Variants in CNTLN observed in about 807,000 individuals in gnomAD.
CNTLN encodes centlein, also known as centlein, centrosomal protein.
Under a neutral mutation model 180.0 loss-of-function variants are expected in CNTLN, and 212 were observed. That is an observed-to-expected ratio of 1.18 (90% CI 1.05 to 1.32). The LOEUF (loss-of-function observed/expected upper bound fraction) is 1.32, where lower values mean the gene tolerates loss of function less well. CNTLN is among the 40% of genes most tolerant of loss of function. The probability of loss-of-function intolerance (pLI) is 0.00; values close to 1 mark genes in which losing one functional copy is unlikely to be tolerated. For missense variants in CNTLN, 2,095 were observed against 1,610.9 expected, an observed-to-expected ratio of 1.30 and a Z score of -5.14; for synonymous variants, 722 against 563.1, an observed-to-expected ratio of 1.28 and a Z score of -3.99.
chr9:17,173,183 T>G (rs1343339479), intron 2 of CNTLN, among the ~76,000 whole-genome samples: 1 of 152,172 alleles, frequency 6.6e-6, no homozygotes, highest in Non-Finnish European at 1.5e-5. Flanking sequence ...GCTATAATGC[T>G]GAATAATAAT....
chr9:17,289,700 G>A lies in CNTLN; in HGVS notation c.984-8490G>A, dbSNP rs887755341. 1.7e-4 allele frequency among the ~76,000 whole-genome samples: 23 copies of A among 137,974 alleles called. 1 individual carries two copies. Among genetic ancestry groups the A allele is most frequent in the African/African-American group, 6.5e-4 (22 of 33,838 alleles). 90.5% of individuals were successfully genotyped at this position (137,974 alleles called of 152,430 possible). On this transcript the variant is annotated intron_variant, in intron 6 of 25. Coordinates refer to ENST00000380647, the MANE Select transcript of CNTLN (RefSeq NM_017738.4). The stretch of plus-strand genomic sequence containing the variant: ...TAGTCCCATATTTCTTGGAGGCTTT[G>A]CTCATTTCTTTTTATTCTTTTTTCT...
the CNTLN span, among the ~76,000 whole-genome samples, chr9:17,521,570 T>C: frequency 1.6e-4 from 25 of 152,312 alleles, no homozygotes; most frequent in African/African-American, 5.8e-4. Context: ...AGAAACCTAT[T>C]CCTTGAACAA....
chr9:17,457,179 A>G (rs1056107576), intron 18 of CNTLN, among the ~76,000 whole-genome samples: 2 of 152,250 alleles, frequency 1.3e-5, no homozygotes, highest in East Asian at 1.9e-4. Flanking sequence ...GGCTTTTCCC[A>G]GTTAAGTACT....
chr9:17,160,346 C>T (rs1220591383), intron 2 of CNTLN, among the ~76,000 whole-genome samples: 1 of 152,090 alleles, frequency 6.6e-6, no homozygotes, highest in African/African-American at 2.4e-5. Context: ...CCTTCAAACT[C>T]ACTATATTAT....
intron 2 of CNTLN, among the ~76,000 whole-genome samples, chr9:17,196,880 G>T (rs1320116354): frequency 6.6e-6 from 1 of 151,914 alleles, no homozygotes; most frequent in Non-Finnish European, 1.5e-5. Context: ...TATTATTTTA[G>T]TTATTTTAAA....
intron 10 of CNTLN, among the ~76,000 whole-genome samples, chr9:17,338,267 C>A (rs910595269): frequency 6.7e-6 from 1 of 150,192 alleles, no homozygotes; most frequent in East Asian, 1.9e-4. Flanking sequence ...TGGGTTCAAG[C>A]GATTCTCCTT....
At chr9:17,442,089 G>A (rs925706937) in intron 18 of CNTLN, among the ~76,000 whole-genome samples, 2 of 152,162 alleles carry the variant, frequency 1.3e-5, no homozygotes, top group Admixed American at 6.6e-5. Context: ...AATAGGAGAC[G>A]TAAGTACTCC....
At chr9:17,479,569 G>A (rs899365406) in intron 23 of CNTLN, among the ~76,000 whole-genome samples, 3 of 152,112 alleles carry the variant, frequency 2.0e-5, no homozygotes, top group Admixed American at 6.6e-5. Flanking sequence ...ATTAATAGGC[G>A]TAAAGTTTCA....
Position 17,457,707 on chromosome 9 carries a change from A to C in CNTLN, c.3298A>C (p.Lys1100Gln), listed in dbSNP as rs1564123486. The C allele has an allele frequency of 6.9e-7, 1 of 1,450,004 alleles. No homozygotes were observed. The highest frequency in any genetic ancestry group is 1.4e-5 in the African/African-American group (1 of 69,042). The allele number at this position is 1,450,004 out of a possible 1,614,324, so 89.8% of individuals were successfully genotyped here. ...TTTGGAAATGAAGCAATTGCAGTAT[A>C]AACTAAAGGTGATTATAAAATTTAT... is the stretch of plus-strand genomic sequence containing the variant. ...MDLEMKQLQYKLKNATNELTK... is the reference protein window; with the variant it reads ...MDLEMKQLQYQLKNATNELTK... The change falls in exon 19 of 26, where the codon AAA (lysine) becomes CAA (glutamine). Residue 1100 changes from lysine (K) to glutamine (Q), a missense_variant. Transcript: ENST00000380647.
chr9:17,342,371 CAAG>C lies in CNTLN; in HGVS notation c.1818_1820del (p.Glu606del), dbSNP rs768241221. ...GAGAGCAGATCCCCAACAACTTCGA[CAAG>C]AAGATTCTGACGCTGTGTGGAATGA... On this transcript the variant is annotated inframe_deletion, in exon 12 of 26. Transcript: ENST00000380647. 2.2e-5 allele frequency: 36 copies of C among 1,612,158 alleles called. No homozygotes were observed. The East Asian group carries it at 8.0e-4, about 36-fold the overall frequency.
chr9:17,266,667 G>C (rs575812105), intron 5 of CNTLN, among the ~76,000 whole-genome samples: 11 of 152,236 alleles, frequency 7.2e-5, no homozygotes, highest in Non-Finnish European at 1.2e-4. Context: ...TATTGTGTGG[G>C]AGTCTAAGTC....
chr9:17,245,511 C>T (rs934133224), intron 5 of CNTLN, among the ~76,000 whole-genome samples: 9 of 151,200 alleles, frequency 6.0e-5, no homozygotes, highest in African/African-American at 1.9e-4. Flanking sequence ...TATTAAATAC[C>T]TTGAGGTAGT....
chr9:17,356,413 A>C (rs10810773), intron 12 of CNTLN, among the ~76,000 whole-genome samples: 90,909 of 151,908 alleles, frequency 0.6, 27,457 homozygotes, highest in East Asian at 0.73. Context: ...AAGTTAGAGT[A>C]CTGAAGCCTA....
chr9:17,373,484 A>C (rs1275908834), intron 13 of CNTLN, among the ~76,000 whole-genome samples: 3 of 152,144 alleles, frequency 2.0e-5, no homozygotes, highest in Non-Finnish European at 4.4e-5. Flanking sequence ...GAGACACACA[A>C]AAAATGGAAA....
intron 14 of CNTLN, among the ~76,000 whole-genome samples, 185 bp from the exon 15 acceptor site, chr9:17,394,349 A>G (rs1826328728): frequency 6.6e-6 from 1 of 152,170 alleles, no homozygotes; most frequent in South Asian, 2.1e-4. Context: ...TTTATTCAAC[A>G]GATACATTAT....
At chr9:17,496,289 A>C (rs895040946) in intron 25 of CNTLN, among the ~76,000 whole-genome samples, 8 of 152,346 alleles carry the variant, frequency 5.3e-5, no homozygotes, top group African/African-American at 1.9e-4. Context: ...AGAATACCAT[A>C]GACTGGGAAA....
chr9:17,143,058 A>G (rs895127593), intron 1 of CNTLN, among the ~76,000 whole-genome samples: 7 of 152,242 alleles, frequency 4.6e-5, no homozygotes, highest in Admixed American at 1.3e-4. Flanking sequence ...TAGCATTTCA[A>G]CAGTTGCATC....
intron 25 of CNTLN, among the ~76,000 whole-genome samples, chr9:17,487,669 G>T (rs375952969): frequency 2.6e-5 from 4 of 152,122 alleles, no homozygotes; most frequent in African/African-American, 9.7e-5. Flanking sequence ...TCTGGGCCGA[G>T]TGGAAAGCTG....
At chr9:17,407,760 A>G (rs1827505587) in intron 15 of CNTLN, among the ~76,000 whole-genome samples, 1 of 152,168 alleles carries the variant, frequency 6.6e-6, no homozygotes, top group Non-Finnish European at 1.5e-5. Context: ...AGTACCTCTC[A>G]TAGTGTCCCA....
Sources: gnomAD v4.1 joint callset for allele counts (sites outside exome capture counted in the v4.1 genomes callset) on GRCh38, gnomAD v4.1.1 for gene constraint, MANE v1.5 for transcripts, NCBI Gene and HGNC (gene_info 2026-07-23, HGNC 2026-07-21) for gene names.